The following SLIT3 variants were observed in gnomAD, a reference collection of about 807,000 sequenced individuals.
SLIT3 encodes slit guidance ligand 3.
SLIT3 carries 68 observed loss-of-function variants against 184.0 expected under a neutral mutation model. The observed-to-expected ratio is 0.37, with a 90% confidence interval of 0.30 to 0.45. SLIT3 has a LOEUF of 0.45. Ranked by LOEUF, SLIT3 falls within the 20% of genes least tolerant of loss-of-function variation. The pLI, the probability that SLIT3 is intolerant of heterozygous loss-of-function variation, is 1.00. For missense variants in SLIT3, 1,707 were observed against 2,026.0 expected, an observed-to-expected ratio of 0.84 and a Z score of 3.02; for synonymous variants, 831 against 828.6, an observed-to-expected ratio of 1.00 and a Z score of -0.05.
chr5:168,856,653 G>A (rs1248345082), intron 5 of SLIT3, among the ~76,000 whole-genome samples: 1 of 152,084 alleles, frequency 6.6e-6, no homozygotes, highest in Non-Finnish European at 1.5e-5. Context: ...AATAGTGTGG[G>A]ATTAGCCACT....
At chr5:168,753,526 G>C (rs997375451) in intron 17 of SLIT3, among the ~76,000 whole-genome samples, 4 of 152,212 alleles carry the variant, frequency 2.6e-5, no homozygotes, top group Non-Finnish European at 4.4e-5. Flanking sequence ...TTTTTATAAA[G>C]GTCCTTATGC....
Position 168,972,337 on chromosome 5 carries a change from A to ATATGTGTGTGTGTGTGTGTGTG in SLIT3, c.414-89002_414-89001insCACACACACACACACACACATA, listed in dbSNP as rs370210394. Among the ~76,000 whole-genome samples the ATATGTGTGTGTGTGTGTGTGTG allele has an allele frequency of 1.4e-4, 16 of 118,332 alleles. 1 individual carries two copies. The highest frequency in any genetic ancestry group is 4.9e-4 in the East Asian group (2 of 4,070). The allele number at this position is 118,332 out of a possible 152,430, so 77.6% of individuals were successfully genotyped here. ...TGTTGATGGCTAGCTGCAGGACAAC[A>ATATGTGTGTGTGTGTGTGTGTG]TGTGTGTGTGTGTGTGTGTGTGTGT... On this transcript the variant is annotated intron_variant, in intron 4 of 35. Transcript: ENST00000519560.
chr5:169,164,299 G>A (rs146850768), intron 4 of SLIT3, among the ~76,000 whole-genome samples: 5 of 152,258 alleles, frequency 3.3e-5, no homozygotes, highest in East Asian at 1.9e-4. Flanking sequence ...CAATTCCCTC[G>A]GAGAAAGCTT....
chr5:169,208,766 C>G (rs572089923), intron 3 of SLIT3, among the ~76,000 whole-genome samples: 2 of 152,092 alleles, frequency 1.3e-5, no homozygotes, highest in East Asian at 3.8e-4. Context: ...CTTCCTTATA[C>G]CTTAGACAAA....
At chr5:169,284,020 C>T (rs1324179363) in intron 1 of SLIT3, among the ~76,000 whole-genome samples, 1 of 152,122 alleles carries the variant, frequency 6.6e-6, no homozygotes, top group Non-Finnish European at 1.5e-5. Context: ...TGGCTTGACA[C>T]CACAAAGACA....
At chr5:168,755,431 T>TCCTCTCTCTCTCTCTC (rs1754897509) in intron 16 of SLIT3, among the ~76,000 whole-genome samples, 1 of 47,168 alleles carries the variant, frequency 2.1e-5, no homozygotes, top group Non-Finnish European at 4.1e-5. Context: ...CTTTCTTTCT[T>TCCTCTCTCTCTCTCTC]TCTTTCTTTC....
chr5:168,858,414 C>T (rs776939475), intron 5 of SLIT3, among the ~76,000 whole-genome samples: 72 of 152,212 alleles, frequency 4.7e-4, no homozygotes, highest in Non-Finnish European at 7.2e-4. Context: ...CTTTTATATC[C>T]CCGTTAAAGG....
chr5:169,300,732 G>A lies in SLIT3; in HGVS notation c.-23C>T. The A allele has an allele frequency of 1.5e-6, 2 of 1,298,922 alleles. No homozygotes were observed. The highest frequency in any genetic ancestry group is 3.2e-5 in the East Asian group (1 of 31,672). 80.5% of individuals were successfully genotyped at this position (1,298,922 alleles called of 1,614,324 possible). The stretch of plus-strand genomic sequence containing the variant: ...CATGGTGTGCAGGGCCCCGCTCCTG[G>A]AGGAGGCTGCCTCTGCGGGGCAAGA... On this transcript the variant is annotated 5_prime_UTR_variant, in exon 1 of 36. Transcript: ENST00000519560. This position sits in a 1 kb window ranked among gnomAD's most constrained non-coding sequence, Gnocchi z 4.1.
chr5:169,288,269 C>A (rs907865167), intron 1 of SLIT3, among the ~76,000 whole-genome samples: 1 of 152,174 alleles, frequency 6.6e-6, no homozygotes, highest in Non-Finnish European at 1.5e-5. Context: ...AAATGCAGAA[C>A]TTGTGCTGTT....
At position 169,172,826 on chromosome 5, in the gene SLIT3, G is replaced by A. The variant is rs77519209; in HGVS notation, c.413+20653C>T. ...GCTCACAAGTAGCTCATAGCATGGT[G>A]GGGAAGGCAGTTAAAGCACCAGTCT... On this transcript the variant is annotated intron_variant, in intron 4 of 35. Transcript: ENST00000519560. Among the ~76,000 whole-genome samples, 259 of 152,278 alleles carry A rather than the reference G, an allele frequency of 1.7e-3. 7 individuals carry two copies. The East Asian group carries it at 0.045, about 26-fold the overall frequency.
At chr5:169,262,847 C>T (rs1487001357) in intron 1 of SLIT3, among the ~76,000 whole-genome samples, 1 of 152,180 alleles carries the variant, frequency 6.6e-6, no homozygotes, top group African/African-American at 2.4e-5. Context: ...GCCTCAGAAG[C>T]CCTCAAAGTC....
chr5:169,112,573 C>T (rs944513373), intron 4 of SLIT3, among the ~76,000 whole-genome samples: 7 of 152,126 alleles, frequency 4.6e-5, no homozygotes, highest in Non-Finnish European at 7.3e-5. Flanking sequence ...GACTTTACCT[C>T]ATTTTTGCCC....
At chr5:169,044,046 A>G (rs1757537921) in intron 4 of SLIT3, among the ~76,000 whole-genome samples, 1 of 152,244 alleles carries the variant, frequency 6.6e-6, no homozygotes, top group Non-Finnish European at 1.5e-5. Context: ...GAAGTAGTAG[A>G]TAAAGGCTAA....
chr5:169,284,964 G>T (rs556980804), intron 1 of SLIT3, among the ~76,000 whole-genome samples: 2 of 152,132 alleles, frequency 1.3e-5, no homozygotes, highest in South Asian at 4.2e-4. Context: ...AGGATAGAGT[G>T]CAGTGGTGCA....
At chr5:168,844,896 A>AG in intron 5 of SLIT3, 1 of 230,492 alleles carries the variant, frequency 4.3e-6, no homozygotes. Flanking sequence ...TTAATTGCGC[A>AG]TTTTTTTTTT....
At chr5:168,671,668 T>C (rs1341341857) in intron 33 of SLIT3, among the ~76,000 whole-genome samples, 185 bp from the exon 34 acceptor site, 1 of 152,336 alleles carries the variant, frequency 6.6e-6, no homozygotes, top group African/African-American at 2.4e-5. Flanking sequence ...GGTCCTGCAC[T>C]GGGACTCCTT....
In SLIT3 at chr5:168,775,332, C is replaced by T. The variant is rs148759865; in HGVS notation, c.1152-954G>A. ...GATTACAGGTGTGAGCCACCACGCC[C>T]GGCCTACCACTGCATTTTCATTCCT... On this transcript the variant is annotated intron_variant, in intron 12 of 35. Transcript: ENST00000519560. Among the ~76,000 whole-genome samples the T allele has an allele frequency of 4.7e-4, 71 of 152,282 alleles. 1 individual carries two copies. Among genetic ancestry groups the T allele is most frequent in the Middle Eastern group, 3.4e-3 (1 of 294 alleles).
intron 4 of SLIT3, among the ~76,000 whole-genome samples, chr5:168,886,556 C>G (rs4616916): frequency 0.35 from 52,417 of 151,830 alleles, 9,653 homozygotes; most frequent in East Asian, 0.59. Flanking sequence ...TTAGTGTCTC[C>G]CCTTTCACGA....
intron 11 of SLIT3, among the ~76,000 whole-genome samples, chr5:168,788,718 G>A (rs533633991): frequency 2.0e-5 from 3 of 152,112 alleles, no homozygotes; most frequent in South Asian, 2.1e-4. Flanking sequence ...TTCTTCAGCT[G>A]TAAAAATGAG....
Sources: allele counts gnomAD v4.1 joint callset (sites outside exome capture counted in the v4.1 genomes callset), GRCh38; gene constraint gnomAD v4.1.1; non-coding constraint Gnocchi (gnomAD v3.1); transcripts MANE v1.5; gene names NCBI Gene and HGNC (gene_info 2026-07-23, HGNC 2026-07-21).